Variants in DUSP18 observed in about 807,000 individuals in gnomAD.
The protein encoded by DUSP18 is dual specificity protein phosphatase 18.
DUSP18 carries 4 observed loss-of-function variants against 6.3 expected under a neutral mutation model. The ratio of observed to expected loss-of-function variants is 0.63; its 90% CI spans 0.31 to 1.45. The LOEUF is 1.45. Ranked by LOEUF, DUSP18 falls within the 40% of genes most tolerant of loss-of-function variation. The pLI is 0.07. For synonymous variants in DUSP18, 96 were observed against 95.1 expected (o/e 1.01, Z -0.05); for missense variants, 235 against 247.7 (o/e 0.95, Z 0.34).
downstream of DUSP18, among the ~76,000 whole-genome samples, chr22:30,657,301 ACAC>A (rs771880972): frequency 1.2e-4 from 7 of 58,382 alleles, no homozygotes; most frequent in Non-Finnish European, 4.6e-4. Context: ...ACACACACAC[ACAC>A]ACAAATTAGC....
Position 30,655,459 on chromosome 22 carries a change from AAAAG to A in DUSP18, c.*34-3166_*34-3163del, listed in dbSNP as rs1254679325. Among the ~76,000 whole-genome samples the A allele has an allele frequency of 9.3e-3, 1,418 of 151,704 alleles. 12 individuals carry two copies. Among genetic ancestry groups the A allele is most frequent in the South Asian group, 0.03 (144 of 4,808 alleles). ...AAAAAAAAAAAAAAAGAAAAAGAAA[AAAAG>A]AAGCCACTAGCCTGGCATTGCATAG... On this transcript the variant is annotated intron_variant, in intron 2 of 2. Coordinates refer to the DUSP18 transcript ENST00000404885.
downstream of DUSP18, among the ~76,000 whole-genome samples, chr22:30,656,884 G>A (rs1382093580): frequency 6.6e-6 from 1 of 152,180 alleles, no homozygotes; most frequent in Non-Finnish European, 1.5e-5. Context: ...GGAGGCTGAG[G>A]AGGAAGGATC....
At chr22:30,658,905 G>C (rs185802235), downstream of DUSP18, among the ~76,000 whole-genome samples, 418 of 152,228 alleles carry the variant, frequency 2.7e-3, 4 homozygotes, top group African/African-American at 9.4e-3. Context: ...AGCACTTTGG[G>C]AGGCTGAGGC....
chr22:30,663,800 C>T lies in DUSP18; in HGVS notation c.204G>A (p.Gln68=), dbSNP rs981955692. The change falls in exon 2 of 2, where the codon CAG becomes CAA. Residue 68 remains glutamine (Q), a synonymous_variant. Transcript: ENST00000334679. ...NTLYEDIQYM[Q]VPVADSPNSR... The stretch of plus-strand genomic sequence containing the variant: ...AGTTAGGGGAGTCAGCCACAGGTAC[C>T]TGCATGTACTGGATATCCTCATACA... 1 of 1,614,228 alleles carries T rather than the reference C, an allele frequency of 6.2e-7. No homozygotes were observed. Among genetic ancestry groups the T allele is most frequent in the Non-Finnish European group, 8.5e-7 (1 of 1,180,046 alleles).
At position 30,663,683 on chromosome 22, in the gene DUSP18, A is replaced by G; in HGVS notation, c.321T>C (p.Gly107=). The change falls in exon 2 of 2, where the codon GGT becomes GGC. Residue 107 remains glycine, a synonymous_variant. Coordinates refer to ENST00000334679, the MANE Select transcript of DUSP18 (RefSeq NM_152511.5). ...GGCACAGGGCAGCTGAGCGGCTCAC[A>G]CCAGCAGCACAGTGCAGCAAAGTAC... ...QGRTLLHCAA[G]VSRSAALCLA... is the part of the protein sequence containing the mutation. 1.9e-6 allele frequency: 3 copies of G among 1,614,234 alleles called. No homozygotes were observed. Among genetic ancestry groups the G allele is most frequent in the Non-Finnish European group, 2.5e-6 (3 of 1,180,036 alleles).
In DUSP18 at chr22:30,663,517, T is replaced by A; in HGVS notation, c.487A>T (p.Thr163Ser). 6.2e-7 allele frequency: 1 copy of A among 1,614,232 alleles called. No homozygotes were observed. Among genetic ancestry groups the A allele is most frequent in the Non-Finnish European group, 8.5e-7 (1 of 1,180,040 alleles). ...HYEFQLFGKNTVHMVSSPVGM... is the reference protein window; with the variant it reads ...HYEFQLFGKNSVHMVSSPVGM... ...ACTGGGGAACTGACCATGTGCACAG[T>A]GTTCTTGCCAAACAATTGGAACTCA... The change falls in exon 2 of 2, where the codon ACT becomes TCT. Residue 163 changes from threonine to serine, a missense_variant. By Grantham distance (58) the Thr-to-Ser change is moderately conservative. Transcript: ENST00000334679.
chr22:30,659,317 G>A (rs905710901), downstream of DUSP18, among the ~76,000 whole-genome samples: 1 of 152,006 alleles, frequency 6.6e-6, no homozygotes. Flanking sequence ...CAAAGAACAA[G>A]GAAAGTCTGG....
In DUSP18 at chr22:30,665,976, A is replaced by G. The variant is rs5994331; in HGVS notation, c.-78+1486T>C. Among the ~76,000 whole-genome samples, 1,395 of 152,270 alleles carry G rather than the reference A, an allele frequency of 9.2e-3. 16 individuals carry two copies. Among genetic ancestry groups the G allele is most frequent in the African/African-American group, 0.032 (1,337 of 41,548 alleles). On this transcript the variant is annotated intron_variant, in intron 1 of 1. Transcript: ENST00000334679. ...GGGTGGTTCTGAGGCTACTAAAGAG[A>G]AAGACCAAAGGTTGTATAGGCAAAT...
chr22:30,664,518 G>A (rs2088583105), intron 1 of DUSP18, among the ~76,000 whole-genome samples: 1 of 152,158 alleles, frequency 6.6e-6, no homozygotes, highest in Admixed American at 6.5e-5. Context: ...GCCCCTCTGA[G>A]TGGGAACCAT....
chr22:30,664,436 T>C (rs2088580368), intron 1 of DUSP18, among the ~76,000 whole-genome samples: 1 of 152,252 alleles, frequency 6.6e-6, no homozygotes, highest in East Asian at 1.9e-4. Flanking sequence ...CAGCTGTGCC[T>C]TGGCCTGATT....
In DUSP18 at chr22:30,663,368, T is replaced by C. The variant is rs2088535129; in HGVS notation, c.*69A>G. Reference sequence around the variant, plus strand: ...ATCAACAAAAGTAGAATGTTCAAGTTTGGATCTTGGTGTAAGATCAACAAT... The same window carrying C: ...ATCAACAAAAGTAGAATGTTCAAGTCTGGATCTTGGTGTAAGATCAACAAT... On this transcript the variant is annotated 3_prime_UTR_variant, in exon 2 of 2. Coordinates refer to ENST00000334679, the MANE Select transcript of DUSP18 (RefSeq NM_152511.5). 4 of 1,455,610 alleles carry C rather than the reference T, an allele frequency of 2.7e-6. No homozygotes were observed. Among genetic ancestry groups the C allele is most frequent in the Non-Finnish European group, 2.8e-6 (3 of 1,072,728 alleles). The allele number at this position is 1,455,610 out of a possible 1,614,324, so 90.2% of individuals were successfully genotyped here.
At chr22:30,666,949 G>A (rs1178029529) in intron 1 of DUSP18, 1 of 152,148 alleles carries the variant, frequency 6.6e-6, no homozygotes, top group Non-Finnish European at 1.5e-5. Flanking sequence ...CTGTGAAAGG[G>A]AAGTGTAAAA....
chr22:30,656,241 G>A (rs2088336232), intron 2 of DUSP18, among the ~76,000 whole-genome samples: 1 of 151,926 alleles, frequency 6.6e-6, no homozygotes, highest in South Asian at 2.1e-4. Flanking sequence ...CCACCCAAAG[G>A]GCTGGGATTA....
chr22:30,658,126 T>TA (rs886421711), downstream of DUSP18, among the ~76,000 whole-genome samples: 4 of 150,672 alleles, frequency 2.7e-5, no homozygotes, highest in Non-Finnish European at 4.4e-5. Flanking sequence ...TTTTTTTAGT[T>TA]AAAAAAAACT....
Position 30,662,596 on chromosome 22 carries a change from G to A in DUSP18, c.*841C>T, listed in dbSNP as rs2088510111. Reference sequence around the variant, plus strand: ...CTCATCAACACTTTGGGAGGCTGAGGCGTGAGGATTGCTTGAGGCCAGGAG... The same window carrying A: ...CTCATCAACACTTTGGGAGGCTGAGACGTGAGGATTGCTTGAGGCCAGGAG... On this transcript the variant is annotated 3_prime_UTR_variant, in exon 2 of 2. Coordinates refer to ENST00000334679, the MANE Select transcript of DUSP18 (RefSeq NM_152511.5). 1 of 152,120 alleles carries A rather than the reference G, an allele frequency of 6.6e-6. No individual in the cohort carries two copies. The highest frequency in any genetic ancestry group is 1.5e-5 in the Non-Finnish European group (1 of 68,062). 9.4% of individuals were successfully genotyped at this position (152,120 alleles called of 1,614,324 possible). A position where few individuals can be genotyped will look rare whatever the true frequency, so the allele number is the denominator to read the frequency against.
In DUSP18 at chr22:30,667,630, T is replaced by C. The variant is rs9609040; in HGVS notation, c.-246A>G. On this transcript the variant is annotated 5_prime_UTR_variant, in exon 1 of 2. Transcript: ENST00000334679. ...GGGCTCGTCGCAGAAAGGAATAGCC[T>C]GTGCCGGGTCTTCAGAGAAATCCTG... 987 of 152,772 alleles carry C rather than the reference T, an allele frequency of 6.5e-3. 2 individuals carry two copies. Among genetic ancestry groups the C allele is most frequent in the Admixed American group, 0.012 (186 of 15,312 alleles). 9.5% of individuals were successfully genotyped at this position (152,772 alleles called of 1,614,324 possible).
intron 2 of DUSP18, chr22:30,654,734 G>C (rs533729624): frequency 3.4e-6 from 1 of 291,990 alleles, no homozygotes; most frequent in Non-Finnish European, 6.7e-6. Flanking sequence ...ACCACCTTCC[G>C]GCCTGCTTAG....
At chr22:30,653,338 C>T (rs1249977309) in intron 2 of DUSP18, among the ~76,000 whole-genome samples, 3 of 151,460 alleles carry the variant, frequency 2.0e-5, no homozygotes, top group Non-Finnish European at 4.4e-5. Context: ...TGCCCTATCC[C>T]GACTGCCACA....
At chr22:30,658,042 G>C (rs1267662997), downstream of DUSP18, among the ~76,000 whole-genome samples, 1 of 151,612 alleles carries the variant, frequency 6.6e-6, no homozygotes, top group Non-Finnish European at 1.5e-5. Context: ...GGGAGTTTGA[G>C]GCTGCAGTGG....
Sources: allele counts gnomAD v4.1 joint callset (sites outside exome capture counted in the v4.1 genomes callset), GRCh38; gene constraint gnomAD v4.1.1; transcripts MANE v1.5; gene names NCBI Gene and HGNC (gene_info 2026-07-23, HGNC 2026-07-21).